Variants in CRY2 observed in about 807,000 individuals in gnomAD.
The protein encoded by CRY2 is cryptochrome-2.
In CRY2, 31 loss-of-function variants were observed where a neutral mutation model predicts 69.5. That is an observed-to-expected ratio of 0.45 (90% CI 0.34 to 0.60). The LOEUF is 0.60. CRY2 is among the 20% of genes least tolerant of loss of function. The pLI is 0.02. For missense variants in CRY2, 606 were observed against 797.8 expected, an observed-to-expected ratio of 0.76 and a Z score of 2.90; for synonymous variants, 303 against 312.2, an observed-to-expected ratio of 0.97 and a Z score of 0.31.
At position 45,881,021 on chromosome 11, in the gene CRY2, ATG is replaced by A. The variant is rs149968699; in HGVS notation, c.*123_*124del. 3 of 152,236 alleles carry A rather than the reference ATG, an allele frequency of 2.0e-5. No individual in the cohort carries two copies. The highest frequency in any genetic ancestry group is 4.4e-5 in the Non-Finnish European group (3 of 68,152). The allele number at this position is 152,236 out of a possible 1,614,324, so 9.4% of individuals were successfully genotyped here. On this transcript the variant is annotated 3_prime_UTR_variant, in exon 12 of 12. Coordinates refer to ENST00000616080, the MANE Select transcript of CRY2 (RefSeq NM_021117.5). ...ATCACCGGGCAGAGATAGAGCGAGC[ATG>A]TGTGTGTGTGTGCGCGTGTGCAGAG...
intron 11 of CRY2, among the ~76,000 whole-genome samples, chr11:45,880,610 A>G (rs1235701644): frequency 6.6e-6 from 1 of 152,106 alleles, no homozygotes; most frequent in Non-Finnish European, 1.5e-5. Flanking sequence ...AGTATCCCCC[A>G]GGGCTTCACG....
intron 1 of CRY2, among the ~76,000 whole-genome samples, chr11:45,854,616 G>A (rs1317595840): frequency 1.3e-5 from 2 of 152,300 alleles, no homozygotes; most frequent in East Asian, 1.9e-4. Context: ...TTGAACCTGG[G>A]TTGGGGAGGT....
At position 45,855,979 on chromosome 11, in the gene CRY2, C is replaced by G; in HGVS notation, c.216-3C>G. The G allele has an allele frequency of 1.2e-6, 2 of 1,612,560 alleles. No homozygotes were observed. The highest frequency in any genetic ancestry group is 1.7e-6 in the Non-Finnish European group (2 of 1,178,516). On this transcript the variant is annotated splice_polypyrimidine_tract_variant and splice_region_variant and intron_variant, in intron 1 of 11. Transcript: ENST00000616080. ...ACTAACAAGGCCTGTGTGGACTCCACAGGTTCCTACTTCAGTCTCTGGAAG... is the reference window on the plus strand; with the variant it reads ...ACTAACAAGGCCTGTGTGGACTCCAGAGGTTCCTACTTCAGTCTCTGGAAG...
At chr11:45,872,340 G>A (rs978380710) in intron 11 of CRY2, 107 bp downstream of exon 11, 2 of 1,042,076 alleles carry the variant, frequency 1.9e-6, no homozygotes, top group African/African-American at 1.6e-5. Flanking sequence ...ATGAAAATCT[G>A]GTGGGACCAC....
Position 45,882,774 on chromosome 11 carries a change from G to T in CRY2, c.*1863G>T. 2.5e-6 allele frequency: 1 copy of T among 398,684 alleles called. No homozygotes were observed. The highest frequency in any genetic ancestry group is 4.4e-6 in the Non-Finnish European group (1 of 226,080). 24.7% of individuals were successfully genotyped at this position (398,684 alleles called of 1,614,324 possible). On this transcript the variant is annotated 3_prime_UTR_variant, in exon 12 of 12. Coordinates refer to ENST00000616080, the MANE Select transcript of CRY2 (RefSeq NM_021117.5). ...GGAAGGGCAAATCTGAGAGTGGGAA[G>T]GCCAAAGGCCGAGGCCCAGATTTAG...
At position 45,850,112 on chromosome 11, in the gene CRY2, G is replaced by A. The variant is rs148518545; in HGVS notation, c.215+2407G>A. ...GCAGCCTTGACCTCCTGGGCTCAGC[G>A]ATCCTCCTGCCTTAGCCTCCCAAGT... On this transcript the variant is annotated intron_variant, in intron 1 of 11. Coordinates refer to ENST00000616080, the MANE Select transcript of CRY2 (RefSeq NM_021117.5). 5.9e-3 allele frequency among the ~76,000 whole-genome samples: 894 copies of A among 151,684 alleles called. 10 individuals carry two copies. Among genetic ancestry groups the A allele is most frequent in the African/African-American group, 0.02 (843 of 41,274 alleles).
At chr11:45,863,764 G>C (rs1398842711) in intron 5 of CRY2, among the ~76,000 whole-genome samples, 2 of 152,100 alleles carry the variant, frequency 1.3e-5, no homozygotes, top group East Asian at 1.9e-4. Flanking sequence ...TCCCTGGCCA[G>C]ACTTGCATCA....
intron 11 of CRY2, among the ~76,000 whole-genome samples, 197 bp from the exon 12 acceptor site, chr11:45,880,716 GA>G (rs1386008275): frequency 1.3e-5 from 2 of 152,182 alleles, no homozygotes; most frequent in African/African-American, 4.8e-5. Flanking sequence ...CAGCACCTCA[GA>G]GGGGCAGTAT....
Position 45,882,443 on chromosome 11 carries a change from C to G in CRY2, c.*1532C>G, listed in dbSNP as rs1049885685. 1 of 396,918 alleles carries G rather than the reference C, an allele frequency of 2.5e-6. No individual in the cohort carries two copies. The highest frequency in any genetic ancestry group is 2.1e-5 in the African/African-American group (1 of 48,736). 24.6% of individuals were successfully genotyped at this position (396,918 alleles called of 1,614,324 possible). A position where few individuals can be genotyped will look rare whatever the true frequency, so the allele number is the denominator to read the frequency against. On this transcript the variant is annotated 3_prime_UTR_variant, in exon 12 of 12. Transcript: ENST00000616080. ...TTAATTCTTTTGGCCCCAGCCCTGT[C>G]CCTCACTGTCCTCTGTCCTTGGACC...
Position 45,862,162 on chromosome 11 carries a change from C to T in CRY2, c.741+14C>T, listed in dbSNP as rs1334962920. 11 of 1,610,366 alleles carry T rather than the reference C, an allele frequency of 6.8e-6. No homozygotes were observed. The highest frequency in any genetic ancestry group is 8.5e-6 in the Non-Finnish European group (10 of 1,178,354). On this transcript the variant is annotated intron_variant, in intron 5 of 11. Coordinates refer to ENST00000616080, the MANE Select transcript of CRY2 (RefSeq NM_021117.5). Reference sequence around the variant, plus strand: ...TTGGAACGGAAGGTATGGGCCGTTTCTGAGACACAGAGCTGCAGATACTGA... The same window carrying T: ...TTGGAACGGAAGGTATGGGCCGTTTTTGAGACACAGAGCTGCAGATACTGA...
At chr11:45,873,535 A>T (rs2086403162) in intron 11 of CRY2, among the ~76,000 whole-genome samples, 1 of 152,218 alleles carries the variant, frequency 6.6e-6, no homozygotes. Flanking sequence ...TGACACTCTG[A>T]TTTTCGGATG....
intron 8 of CRY2, 33 bp from the exon 9 acceptor site, chr11:45,870,297 T>C (rs764597883): frequency 5.6e-6 from 9 of 1,613,980 alleles, no homozygotes; most frequent in Non-Finnish European, 6.8e-6. Flanking sequence ...GGTCTGGGTA[T>C]GCTGATGGGT....
chr11:45,857,629 G>C (rs1235287234), intron 2 of CRY2, among the ~76,000 whole-genome samples: 1 of 152,210 alleles, frequency 6.6e-6, no homozygotes, highest in Non-Finnish European at 1.5e-5. Flanking sequence ...ACAGGCAAGT[G>C]TATCATTGTC....
intron 3 of CRY2, among the ~76,000 whole-genome samples, chr11:45,859,773 G>C (rs1057240026): frequency 6.6e-6 from 1 of 151,810 alleles, no homozygotes; most frequent in African/African-American, 2.4e-5. Flanking sequence ...TCACCCTCCT[G>C]CTGCTGCTGC....
At chr11:45,876,084 C>G (rs1336988459) in intron 11 of CRY2, among the ~76,000 whole-genome samples, 1 of 152,150 alleles carries the variant, frequency 6.6e-6, no homozygotes, top group Non-Finnish European at 1.5e-5. Flanking sequence ...GCCCCTCTTT[C>G]CTCCATTTCC....
chr11:45,882,829 G>T lies in CRY2; in HGVS notation c.*1918G>T. The stretch of plus-strand genomic sequence containing the variant: ...CACTAGCAGCGCCTTCGGGTAGCAG[G>T]ATGATTCCTTTTCCTGCCTGTCTGC... On this transcript the variant is annotated 3_prime_UTR_variant, in exon 12 of 12. Coordinates refer to ENST00000616080, the MANE Select transcript of CRY2 (RefSeq NM_021117.5). 2.5e-6 allele frequency: 1 copy of T among 398,016 alleles called. No individual in the cohort carries two copies. The highest frequency in any genetic ancestry group is 3.6e-5 in the East Asian group (1 of 28,064). The allele number at this position is 398,016 out of a possible 1,614,324, so 24.7% of individuals were successfully genotyped here.
In CRY2 at chr11:45,870,409, G is replaced by T; in HGVS notation, c.1426G>T (p.Ala476Ser). The change falls in exon 9 of 12, where the codon GCA becomes TCA. Residue 476 changes from alanine to serine, a missense_variant. Around this residue, in one of 5 missense-constraint regions of CRY2, gnomAD observed 173 missense variants for 213.7 expected, o/e 0.81. Transcript: ENST00000616080. ...GAATGCCCCAGAGTCAATTCAGAAGGCAGCCAAGTGCATCATTGGTGTGGA... is the reference window on the plus strand; with the variant it reads ...GAATGCCCCAGAGTCAATTCAGAAGTCAGCCAAGTGCATCATTGGTGTGGA... ...PWNAPESIQK[A>S]AKCIIGVDYP... 1 of 1,614,232 alleles carries T rather than the reference G, an allele frequency of 6.2e-7. No homozygotes were observed. The highest frequency in any genetic ancestry group is 8.5e-7 in the Non-Finnish European group (1 of 1,180,042).
intron 2 of CRY2, chr11:45,858,434 A>G (rs1001449540): frequency 6.8e-6 from 2 of 293,886 alleles, no homozygotes; most frequent in East Asian, 6.8e-5. Context: ...CGTTGTATTT[A>G]TGGCCTCCTG....
rs369718573 is a variant in CRY2, at chr11:45,869,848, G to C, written c.1194+31G>C. The C allele has an allele frequency of 3.0e-5, 47 of 1,578,370 alleles. No individual in the cohort carries two copies. In the African/African-American group the frequency reaches 5.8e-4, roughly 19 times the overall value. ...TGCTCTCTCAACGAAAAGCTGGCCT[G>C]TACCCTCTGGTCAGGCCCGTCAAAG... On this transcript the variant is annotated intron_variant, in intron 7 of 11. Coordinates refer to ENST00000616080, the MANE Select transcript of CRY2 (RefSeq NM_021117.5).
Sources: gnomAD v4.1 joint callset for allele counts (sites outside exome capture counted in the v4.1 genomes callset) on GRCh38, gnomAD v4.1.1 for gene constraint, gnomAD v4.1.1 regional missense constraint, MANE v1.5 for transcripts, NCBI Gene and HGNC (gene_info 2026-07-23, HGNC 2026-07-21) for gene names.